Variants in NRXN1 observed in about 807,000 individuals in gnomAD.
NRXN1 encodes neurexin 1, also known as neurexin-1.
In NRXN1, 39 loss-of-function variants were observed where a neutral mutation model predicts 150.9. The ratio of observed to expected loss-of-function variants is 0.26; its 90% confidence interval spans 0.20 to 0.34. The LOEUF (loss-of-function observed/expected upper bound fraction) is 0.34, where lower values mean the gene tolerates loss of function less well. Ranked by LOEUF, NRXN1 falls within the 10% of genes least tolerant of loss-of-function variation. The pLI, the probability that NRXN1 is intolerant of heterozygous loss-of-function variation, is 1.00. For missense variants in NRXN1, 1,815 were observed against 1,949.9 expected (o/e 0.93, Z 1.30); for synonymous variants, 924 against 757.0 (o/e 1.22, Z -3.62).
At chr2:50,948,592 T>A (rs746603484) in intron 2 of NRXN1, among the ~76,000 whole-genome samples, 19 of 152,054 alleles carry the variant, frequency 1.2e-4, no homozygotes, top group Non-Finnish European at 2.1e-4. Flanking sequence ...CTCATTAGCA[T>A]TAGAATTCTG....
intron 5 of NRXN1, among the ~76,000 whole-genome samples, chr2:50,765,693 C>A (rs980091962): frequency 6.6e-6 from 1 of 151,994 alleles, no homozygotes; most frequent in Non-Finnish European, 1.5e-5. Flanking sequence ...AGCACTTGCG[C>A]AGTAATTCAG....
intron 8 of NRXN1, among the ~76,000 whole-genome samples, chr2:50,578,244 T>C (rs1458572460): frequency 6.6e-6 from 1 of 152,108 alleles, no homozygotes; most frequent in Non-Finnish European, 1.5e-5. Context: ...CTTAAATCAC[T>C]CTTTTTGATT....
At chr2:50,943,440 G>C (rs758200769) in intron 2 of NRXN1, among the ~76,000 whole-genome samples, 2 of 152,154 alleles carry the variant, frequency 1.3e-5, no homozygotes, top group Non-Finnish European at 2.9e-5. Context: ...GCTAATAAGT[G>C]TCACTGGCAA....
At chr2:50,352,770 TA>T (rs753949523) in intron 17 of NRXN1, among the ~76,000 whole-genome samples, 28,436 of 128,908 alleles carry the variant, frequency 0.22, 3,417 homozygotes, top group East Asian at 0.5. Context: ...ATAATAATAA[TA>T]ATAATATTAT....
chr2:50,222,736 T>A (rs11903624), intron 18 of NRXN1, among the ~76,000 whole-genome samples: 1 of 151,672 alleles, frequency 6.6e-6, no homozygotes, highest in African/African-American at 2.4e-5. Flanking sequence ...ATATATTAAA[T>A]AAAAATACTC....
At chr2:50,064,418 A>T (rs746341085) in intron 19 of NRXN1, among the ~76,000 whole-genome samples, 9 of 133,156 alleles carry the variant, frequency 6.8e-5, no homozygotes, top group Non-Finnish European at 1.3e-4. Flanking sequence ...AAAAATTAAT[A>T]CCACGTGGGA....
At chr2:50,945,294 TAA>T (rs1690164400) in intron 2 of NRXN1, among the ~76,000 whole-genome samples, 1 of 152,032 alleles carries the variant, frequency 6.6e-6, no homozygotes, top group South Asian at 2.1e-4. Flanking sequence ...GGCAATATGG[TAA>T]AACCACATCT....
At chr2:50,739,625 A>C (rs951774097) in intron 5 of NRXN1, among the ~76,000 whole-genome samples, 4 of 152,132 alleles carry the variant, frequency 2.6e-5, no homozygotes, top group African/African-American at 9.7e-5. Context: ...ATTGGTCTTA[A>C]CTCTATTCCA....
intron 17 of NRXN1, among the ~76,000 whole-genome samples, chr2:50,340,789 A>G (rs1233415782): frequency 6.6e-6 from 1 of 152,210 alleles, no homozygotes; most frequent in Non-Finnish European, 1.5e-5. Context: ...AGTCATGCTC[A>G]TTATTATTGA....
rs1055059176 is a variant in NRXN1 at position 50,347,900 on chromosome 2, G to A, written c.3365-110930C>T. The A allele has an allele frequency of 1.1e-6, 1 of 921,068 alleles. No homozygotes were observed. Among genetic ancestry groups the A allele is most frequent in the Non-Finnish European group, 1.3e-6 (1 of 771,470 alleles). The allele number at this position is 921,068 out of a possible 1,614,324, so 57.1% of individuals were successfully genotyped here. On this transcript the variant is annotated intron_variant, in intron 17 of 22. Transcript: ENST00000401669. This position sits in a 1 kb window ranked among gnomAD's most constrained non-coding sequence, Gnocchi z 4.9. ...GCTGGTCTAGCTTCCCACGAAAATC[G>A]CCCTGCTTTGCCTCTCCCTTGCATT...
intron 17 of NRXN1, among the ~76,000 whole-genome samples, chr2:50,244,400 A>G (rs1158347241): frequency 6.6e-6 from 1 of 151,904 alleles, no homozygotes. Flanking sequence ...TTGGTGTCGT[A>G]TAAAACTATG....
At chr2:49,935,267 G>A (rs1419991951) in intron 22 of NRXN1, among the ~76,000 whole-genome samples, 2 of 152,096 alleles carry the variant, frequency 1.3e-5, no homozygotes, top group Admixed American at 6.5e-5. Flanking sequence ...TTACACAGTA[G>A]GTGGCCAAAT....
At chr2:50,661,389 G>A (rs553974484) in intron 5 of NRXN1, among the ~76,000 whole-genome samples, 43 of 152,160 alleles carry the variant, frequency 2.8e-4, no homozygotes, top group African/African-American at 9.1e-4. Context: ...CTGTTCAAGC[G>A]TAACAACAAA....
chr2:50,522,032 AAGAG>A lies in NRXN1; in HGVS notation c.2374+6589_2374+6592del, dbSNP rs542821940. On this transcript the variant is annotated intron_variant, in intron 12 of 22. Coordinates refer to ENST00000401669, the MANE Select transcript of NRXN1 (RefSeq NM_001330078.2). ...GCCAGTGAAAGGGATGACAGAAAGA[AAGAG>A]AGAGAGCAGAAAGGAAGAAAAGGAG... Among the ~76,000 whole-genome samples, 38 of 152,304 alleles carry A rather than the reference AAGAG, an allele frequency of 2.5e-4. No individual in the cohort carries two copies. In the East Asian group the frequency reaches 6.6e-3, roughly 26 times the overall value.
At chr2:50,746,581 AAC>A (rs1700053764) in intron 5 of NRXN1, among the ~76,000 whole-genome samples, 2 of 151,948 alleles carry the variant, frequency 1.3e-5, no homozygotes, top group Non-Finnish European at 2.9e-5. Context: ...CAACAACAAC[AAC>A]AACAACAACA....
intron 2 of NRXN1, among the ~76,000 whole-genome samples, chr2:50,967,481 CT>C: frequency 6.6e-6 from 1 of 152,016 alleles, no homozygotes; most frequent in South Asian, 2.1e-4. Flanking sequence ...TTATTTAAAA[CT>C]TTAGTATTAA....
At chr2:49,943,268 A>G (rs539169946) in intron 22 of NRXN1, among the ~76,000 whole-genome samples, 1 of 152,350 alleles carries the variant, frequency 6.6e-6, no homozygotes, top group South Asian at 2.1e-4. Flanking sequence ...AAATTCAGAA[A>G]TATATCACTT....
intron 5 of NRXN1, among the ~76,000 whole-genome samples, chr2:50,705,390 A>T (rs1380325096): frequency 6.6e-6 from 1 of 152,148 alleles, no homozygotes; most frequent in Non-Finnish European, 1.5e-5. Flanking sequence ...AACCTATCAA[A>T]GTATTTGAGG....
intron 8 of NRXN1, among the ~76,000 whole-genome samples, chr2:50,611,330 G>A (rs1225083494): frequency 1.3e-5 from 2 of 152,140 alleles, no homozygotes; most frequent in South Asian, 4.1e-4. Context: ...GCCAACTGCT[G>A]ATACTGTTCC....
Sources: gnomAD v4.1 joint callset for allele counts (sites outside exome capture counted in the v4.1 genomes callset) on GRCh38, gnomAD v4.1.1 for gene constraint, Gnocchi (gnomAD v3.1) non-coding constraint, MANE v1.5 for transcripts, NCBI Gene and HGNC (gene_info 2026-07-23, HGNC 2026-07-21) for gene names.